The following ASRGL1 variants were observed in gnomAD, a reference collection of about 807,000 sequenced individuals.
ASRGL1 encodes the protein asparaginase and isoaspartyl peptidase 1, also known as isoaspartyl peptidase/L-asparaginase.
Under a neutral mutation model 22.4 loss-of-function variants are expected in ASRGL1, and 16 were observed. The observed-to-expected ratio is 0.71, with a 90% CI of 0.48 to 1.08. The LOEUF (loss-of-function observed/expected upper bound fraction) is 1.08, where lower values mean the gene tolerates loss of function less well. Ranked by LOEUF, ASRGL1 falls within the 50% of genes least tolerant of loss-of-function variation. The pLI, the probability that ASRGL1 is intolerant of heterozygous loss-of-function variation, is 0.00. For synonymous variants in ASRGL1, 165 were observed against 159.3 expected (o/e 1.04, Z -0.27); for missense variants, 412 against 410.1 (o/e 1.00, Z -0.04).
intron 2 of ASRGL1, among the ~76,000 whole-genome samples, chr11:62,351,650 C>CAAA (rs34522226): frequency 1.6e-5 from 2 of 127,098 alleles, no homozygotes. Context: ...AACTCATCTC[C>CAAA]AAAAAAAAAA....
chr11:62,359,376 G>A (rs1034649208), intron 4 of ASRGL1, among the ~76,000 whole-genome samples: 2 of 151,964 alleles, frequency 1.3e-5, no homozygotes, highest in Non-Finnish European at 2.9e-5. Flanking sequence ...AACCCAGGAG[G>A]CAGAGGTTGC....
intron 2 of ASRGL1, among the ~76,000 whole-genome samples, chr11:62,344,616 A>G (rs1273803738): frequency 2.0e-5 from 3 of 150,490 alleles, no homozygotes; most frequent in Admixed American, 6.6e-5. Flanking sequence ...TTTTGTGGCT[A>G]CATAGTAGGT....
chr11:62,391,537 C>G lies in ASRGL1; in HGVS notation c.626C>G (p.Ala209Gly). The G allele has an allele frequency of 6.2e-7, 1 of 1,611,208 alleles. No homozygotes were observed. Among genetic ancestry groups the G allele is most frequent in the East Asian group, 2.2e-5 (1 of 44,862 alleles). Reference sequence around the variant, plus strand: ...TTTTGAGCAGGAGCTGGAGGTTATGCCGACAATGACATCGGAGCCGTCTCA... The same window carrying G: ...TTTTGAGCAGGAGCTGGAGGTTATGGCGACAATGACATCGGAGCCGTCTCA... ...DSPCLGAGGY[A>G]DNDIGAVSTT... Residue 209 changes from alanine to glycine, a missense_variant, in exon 6 of 7, where the codon GCC becomes GGC. Physicochemically the swap from Ala to Gly is moderately conservative, Grantham distance 60. Transcript: ENST00000415229.
At position 62,357,102 on chromosome 11, in the gene ASRGL1, AAG is replaced by A. The variant is rs775529761; in HGVS notation, c.453_454del (p.Lys152AlafsTer2). ...GAGAGAAACAAAAAGCGCCTGGAAA[AAG>A]AGAAGCATGAAAAAGGTGCTCAGAA... On this transcript the variant is annotated frameshift_variant, in exon 4 of 7. Transcript: ENST00000415229. LOFTEE classifies it high-confidence loss of function. The A allele has an allele frequency of 2.5e-6, 4 of 1,614,076 alleles. No homozygotes were observed. The highest frequency in any genetic ancestry group is 3.4e-6 in the Non-Finnish European group (4 of 1,180,010).
chr11:62,357,243 T>TGTTTTGTTTG (rs1946324271), intron 4 of ASRGL1, 99 bp downstream of exon 4: 5 of 1,076,848 alleles, frequency 4.6e-6, no homozygotes, highest in Non-Finnish European at 6.6e-6. Flanking sequence ...TGTTTTGTTT[T>TGTTTTGTTTG]GTTTTGTTTT....
chr11:62,346,883 T>G (rs1239168252), intron 2 of ASRGL1, among the ~76,000 whole-genome samples: 1 of 151,078 alleles, frequency 6.6e-6, no homozygotes, highest in Non-Finnish European at 1.5e-5. Context: ...GGCACGAGAA[T>G]CACTTGAACC....
At chr11:62,355,828 C>G (rs568904545) in intron 2 of ASRGL1, among the ~76,000 whole-genome samples, 12 of 152,176 alleles carry the variant, frequency 7.9e-5, no homozygotes, top group East Asian at 1.9e-4. Flanking sequence ...TGACTCTTAA[C>G]GAGCATGCTG....
downstream of ASRGL1, among the ~76,000 whole-genome samples, chr11:62,394,516 C>T (rs1947407911): frequency 2.0e-5 from 3 of 151,610 alleles, no homozygotes; most frequent in South Asian, 6.2e-4. Context: ...CAGTCCATAA[C>T]AGGAGGCAAA....
intron 2 of ASRGL1, 136 bp downstream of exon 2, chr11:62,338,303 T>A: frequency 1.0e-6 from 1 of 982,270 alleles, no homozygotes; most frequent in Middle Eastern, 3.2e-4. Flanking sequence ...AAACAATATT[T>A]AATTTTTCTA....
downstream of ASRGL1, among the ~76,000 whole-genome samples, chr11:62,394,152 T>C (rs1947400593): frequency 7.4e-6 from 1 of 136,042 alleles, no homozygotes; most frequent in Non-Finnish European, 1.6e-5. Context: ...ATAACATTTA[T>C]ATAATACATA....
intron 4 of ASRGL1, among the ~76,000 whole-genome samples, chr11:62,378,895 A>C (rs1275869173): frequency 6.6e-6 from 1 of 152,064 alleles, no homozygotes; most frequent in African/African-American, 2.4e-5. Context: ...TAAAAAGGAT[A>C]CCCTATTCCT....
At chr11:62,392,042 T>A in intron 6 of ASRGL1, 37 bp from the exon 7 acceptor site, 1 of 1,599,000 alleles carries the variant, frequency 6.3e-7, no homozygotes, top group Non-Finnish European at 8.6e-7. Flanking sequence ...TTCCTTTCAG[T>A]AATGTGTGTT....
intron 2 of ASRGL1, among the ~76,000 whole-genome samples, chr11:62,342,796 G>GT (rs377523887): frequency 2.5e-4 from 38 of 152,128 alleles, no homozygotes; most frequent in African/African-American, 9.1e-4. Context: ...CACACAATGT[G>GT]TAGCCTTAGT....
chr11:62,398,887 G>A, the ASRGL1 span, among the ~76,000 whole-genome samples: 4 of 152,184 alleles, frequency 2.6e-5, no homozygotes, highest in African/African-American at 4.8e-5. Flanking sequence ...TCCAATATAT[G>A]GCCAGGCGCA....
intron 4 of ASRGL1, among the ~76,000 whole-genome samples, chr11:62,375,157 C>T (rs1946880776): frequency 6.6e-6 from 1 of 151,916 alleles, no homozygotes; most frequent in Non-Finnish European, 1.5e-5. Context: ...CTGCCTTGTC[C>T]CGCACCTCCT....
In ASRGL1 at chr11:62,383,528, A is replaced by T. The variant is rs1204894539; in HGVS notation, c.492-5605A>T. On this transcript the variant is annotated intron_variant, in intron 4 of 6. Coordinates refer to ENST00000415229, the MANE Select transcript of ASRGL1 (RefSeq NM_001083926.2). ...TGAGGCAGGAGAATGGCGTGAACCCAGGAGGCGGAGCTTGCAGTGAGCCGA... is the reference window on the plus strand; with the variant it reads ...TGAGGCAGGAGAATGGCGTGAACCCTGGAGGCGGAGCTTGCAGTGAGCCGA... Among the ~76,000 whole-genome samples, 5 of 138,284 alleles carry T rather than the reference A, an allele frequency of 3.6e-5. No homozygotes were observed. The East Asian group carries it at 1.1e-3, about 31-fold the overall frequency. 90.7% of individuals were successfully genotyped at this position (138,284 alleles called of 152,430 possible).
At chr11:62,389,938 T>G (rs1000468576) in intron 5 of ASRGL1, 3 of 154,204 alleles carry the variant, frequency 1.9e-5, no homozygotes, top group African/African-American at 7.2e-5. Context: ...CTACCTTCCC[T>G]TTTTAATGTG....
chr11:62,372,507 G>A, intron 4 of ASRGL1: 1 of 1,163,308 alleles, frequency 8.6e-7, no homozygotes, highest in Non-Finnish European at 1.3e-6. Context: ...CCCGGGCACA[G>A]CAGATAGAGT....
downstream of ASRGL1, among the ~76,000 whole-genome samples, chr11:62,398,368 C>T (rs1470128058): frequency 6.6e-6 from 1 of 152,148 alleles, no homozygotes; most frequent in South Asian, 2.1e-4. Context: ...CTCACCTCAG[C>T]CTTTCCCACA....
Sources: allele counts gnomAD v4.1 joint callset (sites outside exome capture counted in the v4.1 genomes callset), GRCh38; gene constraint gnomAD v4.1.1; transcripts MANE v1.5; gene names NCBI Gene and HGNC (gene_info 2026-07-23, HGNC 2026-07-21).